LRRC4C: variants seen among roughly 807,000 people sequenced by gnomAD.
LRRC4C encodes the protein leucine-rich repeat-containing protein 4C.
Under a neutral mutation model 33.6 loss-of-function variants are expected in LRRC4C, and 5 were observed. That is an observed-to-expected ratio of 0.15 (90% CI 0.08 to 0.31). LRRC4C has a LOEUF of 0.31. LRRC4C is among the 10% of genes least tolerant of loss of function. The pLI is 1.00. For missense variants in LRRC4C, 560 were observed against 796.7 expected, an observed-to-expected ratio of 0.70 and a Z score of 3.58; for synonymous variants, 329 against 302.0, an observed-to-expected ratio of 1.09 and a Z score of -0.93.
At chr11:40,722,902 G>T (rs2136695394) in intron 2 of LRRC4C, among the ~76,000 whole-genome samples, 1 of 152,182 alleles carries the variant, frequency 6.6e-6, no homozygotes, top group East Asian at 1.9e-4. Context: ...TATTAAGAAA[G>T]AACCCAAACT....
intron 3 of LRRC4C, among the ~76,000 whole-genome samples, chr11:40,409,541 T>G (rs1565360301): frequency 6.6e-6 from 1 of 151,816 alleles, no homozygotes; most frequent in Non-Finnish European, 1.5e-5. Context: ...AATGACTCAA[T>G]AGCAAAAACA....
intron 3 of LRRC4C, among the ~76,000 whole-genome samples, chr11:40,342,418 G>A (rs954130112): frequency 6.6e-6 from 1 of 152,216 alleles, no homozygotes; most frequent in South Asian, 2.1e-4. Context: ...GCAGTGAGCC[G>A]AGATGGCACC....
intron 1 of LRRC4C, among the ~76,000 whole-genome samples, chr11:41,164,010 A>C (rs1320954184): frequency 1.3e-5 from 2 of 152,148 alleles, no homozygotes; most frequent in Non-Finnish European, 2.9e-5. Flanking sequence ...ATACAAGCCT[A>C]TAGTGTGTAA....
chr11:40,660,333 C>T (rs775518486), intron 2 of LRRC4C, among the ~76,000 whole-genome samples: 74 of 152,188 alleles, frequency 4.9e-4, no homozygotes, highest in Non-Finnish European at 7.9e-4. Flanking sequence ...TGGAGTGCAG[C>T]CTGCTGGGCC....
chr11:40,805,821 G>A (rs1451709762), intron 2 of LRRC4C, among the ~76,000 whole-genome samples: 8 of 152,038 alleles, frequency 5.3e-5, no homozygotes, highest in Non-Finnish European at 1.5e-5. Flanking sequence ...GTGTTTATAA[G>A]ACCATCACAT....
chr11:40,548,818 G>A (rs76489721), intron 3 of LRRC4C, among the ~76,000 whole-genome samples: 2,560 of 152,194 alleles, frequency 0.017, 38 homozygotes, highest in South Asian at 0.034. Flanking sequence ...AGAAAAACGT[G>A]AGTAGGCTGC....
At chr11:40,402,344 T>C (rs1949792071) in intron 3 of LRRC4C, among the ~76,000 whole-genome samples, 1 of 152,142 alleles carries the variant, frequency 6.6e-6, no homozygotes, top group Non-Finnish European at 1.5e-5. Flanking sequence ...GTATTTGTTG[T>C]TTTCAAAATG....
At chr11:41,311,369 T>G (rs551142201) in intron 1 of LRRC4C, among the ~76,000 whole-genome samples, 1 of 152,260 alleles carries the variant, frequency 6.6e-6, no homozygotes, top group Non-Finnish European at 1.5e-5. Flanking sequence ...CATTTAAGCT[T>G]CTTCATTATT....
rs115951363 is a variant in LRRC4C at position 40,360,419 on chromosome 11, G to A, written c.-269-40698C>T. ...CGGGAAACTACCAAGTCTGGAAAAC[G>A]GATCAATAGAAAGTAGCAGGTGGAA... On this transcript the variant is annotated intron_variant, in intron 3 of 6. Transcript: ENST00000528697. Among the ~76,000 whole-genome samples the A allele has an allele frequency of 6.2e-3, 937 of 152,248 alleles. 7 individuals are homozygous for A. Among genetic ancestry groups the A allele is most frequent in the East Asian group, 0.028 (145 of 5,174 alleles).
intron 3 of LRRC4C, among the ~76,000 whole-genome samples, chr11:40,451,244 G>C (rs1324956366): frequency 6.9e-6 from 1 of 145,740 alleles, no homozygotes; most frequent in Non-Finnish European, 1.5e-5. Flanking sequence ...CAGCTGCCTA[G>C]AAAACAGAAA....
At chr11:40,896,901 A>G (rs1322650758) in intron 2 of LRRC4C, among the ~76,000 whole-genome samples, 2 of 152,212 alleles carry the variant, frequency 1.3e-5, no homozygotes, top group Admixed American at 6.5e-5. Context: ...AGATAGATAC[A>G]TCTAATTCCA....
chr11:40,501,915 C>T (rs138484165), intron 3 of LRRC4C, among the ~76,000 whole-genome samples: 2 of 152,272 alleles, frequency 1.3e-5, no homozygotes, highest in Admixed American at 6.5e-5. Flanking sequence ...AACTTTTATG[C>T]TCTGCTTCAC....
chr11:40,200,851 A>G (rs1262974284), intron 5 of LRRC4C, among the ~76,000 whole-genome samples: 1 of 151,928 alleles, frequency 6.6e-6, no homozygotes, highest in Non-Finnish European at 1.5e-5. Context: ...ATAAGCCTGA[A>G]TCAACACCAC....
intron 3 of LRRC4C, among the ~76,000 whole-genome samples, chr11:40,401,467 C>A (rs181537438): frequency 3.7e-4 from 57 of 152,172 alleles, no homozygotes; most frequent in Non-Finnish European, 2.9e-4. Context: ...CTTTGAGTAC[C>A]TTTGGTAATT....
intron 3 of LRRC4C, among the ~76,000 whole-genome samples, chr11:40,574,711 C>T (rs1286019142): frequency 6.6e-6 from 1 of 152,146 alleles, no homozygotes; most frequent in Non-Finnish European, 1.5e-5. Flanking sequence ...CAATTGCTGG[C>T]TGCACTCTCC....
chr11:40,309,870 G>A (rs1207337967), intron 4 of LRRC4C, among the ~76,000 whole-genome samples: 1 of 152,166 alleles, frequency 6.6e-6, no homozygotes, highest in Non-Finnish European at 1.5e-5. Context: ...TTTGACTAGA[G>A]AAAGGAAAGG....
intron 2 of LRRC4C, among the ~76,000 whole-genome samples, chr11:40,830,831 C>T (rs1952380252): frequency 6.6e-6 from 1 of 152,088 alleles, no homozygotes; most frequent in Non-Finnish European, 1.5e-5. Flanking sequence ...CTTTCCCTAA[C>T]ACTGTCAGGC....
intron 3 of LRRC4C, among the ~76,000 whole-genome samples, chr11:40,590,191 T>C (rs1409069988): frequency 1.3e-5 from 2 of 151,850 alleles, no homozygotes; most frequent in Non-Finnish European, 2.9e-5. Flanking sequence ...TTATTCTTTT[T>C]TCTCTAAACT....
intron 2 of LRRC4C, among the ~76,000 whole-genome samples, chr11:40,696,636 A>ACTCC (rs1945550016): frequency 6.7e-6 from 1 of 149,446 alleles, no homozygotes; most frequent in Non-Finnish European, 1.5e-5. Context: ...GCTAATGGGG[A>ACTCC]CAGTCTGTTT....
Sources: allele counts gnomAD v4.1 joint callset (sites outside exome capture counted in the v4.1 genomes callset), GRCh38; gene constraint gnomAD v4.1.1; transcripts MANE v1.5; gene names NCBI Gene and HGNC (gene_info 2026-07-23, HGNC 2026-07-21).